QTMAN: variants seen among roughly 807,000 people sequenced by gnomAD.
QTMAN encodes queuosine-tRNA mannosyltransferase.
the QTMAN span, among the ~76,000 whole-genome samples, chr2:144,187,113 G>A: frequency 1.3e-5 from 2 of 152,160 alleles, no homozygotes; most frequent in Non-Finnish European, 2.9e-5. Context: ...AATCATCTAC[G>A]TGATTATTGT....
At chr2:144,325,540 G>T in the QTMAN span, among the ~76,000 whole-genome samples, 11 of 151,750 alleles carry the variant, frequency 7.2e-5, no homozygotes, top group African/African-American at 2.7e-4. Flanking sequence ...CAAGATTGAG[G>T]TCATGTACCT....
chr2:144,127,082 A>T, the QTMAN span, among the ~76,000 whole-genome samples: 1 of 152,014 alleles, frequency 6.6e-6, no homozygotes, highest in African/African-American at 2.4e-5. Context: ...TACAGTTAGA[A>T]GTAATGCACC....
chr2:144,162,130 T>A, the QTMAN span, among the ~76,000 whole-genome samples: 1 of 152,214 alleles, frequency 6.6e-6, no homozygotes. Context: ...ACTACATGCA[T>A]TAAAATTTTT....
chr2:144,049,609 T>C, the QTMAN span, among the ~76,000 whole-genome samples: 1 of 152,166 alleles, frequency 6.6e-6, no homozygotes, highest in Non-Finnish European at 1.5e-5. Context: ...AAACTTTACA[T>C]ACACATTCAA....
At chr2:144,226,694 C>T in the QTMAN span, among the ~76,000 whole-genome samples, 1 of 152,040 alleles carries the variant, frequency 6.6e-6, no homozygotes, top group Non-Finnish European at 1.5e-5. Flanking sequence ...TACAAACAAC[C>T]CTGCCATCAT....
At chr2:143,980,744 C>T in the QTMAN span, among the ~76,000 whole-genome samples, 2 of 152,190 alleles carry the variant, frequency 1.3e-5, no homozygotes, top group African/African-American at 2.4e-5. Context: ...AATGTTTTCA[C>T]GTCATATCTT....
chr2:144,300,034 A>G, the QTMAN span, among the ~76,000 whole-genome samples: 1 of 152,274 alleles, frequency 6.6e-6, no homozygotes, highest in Non-Finnish European at 1.5e-5. Flanking sequence ...CAAATGCCGT[A>G]TGATTCAACT....
At chr2:144,058,334 A>G in the QTMAN span, among the ~76,000 whole-genome samples, 1 of 152,172 alleles carries the variant, frequency 6.6e-6, no homozygotes, top group Non-Finnish European at 1.5e-5. Flanking sequence ...ATAGGAACTA[A>G]GTAATATAAG....
chr2:144,113,207 T>A, the QTMAN span, among the ~76,000 whole-genome samples: 1 of 150,026 alleles, frequency 6.7e-6, no homozygotes, highest in Non-Finnish European at 1.5e-5. Context: ...AATAAACATA[T>A]CTGAAACAAG....
At chr2:144,099,224 A>G in the QTMAN span, among the ~76,000 whole-genome samples, 1 of 152,238 alleles carries the variant, frequency 6.6e-6, no homozygotes, top group South Asian at 2.1e-4. Context: ...ATCTCACCAC[A>G]ATGTATCATA....
At chr2:144,260,354 T>A in the QTMAN span, among the ~76,000 whole-genome samples, 1 of 152,126 alleles carries the variant, frequency 6.6e-6, no homozygotes, top group Non-Finnish European at 1.5e-5. Flanking sequence ...TGGGTGTGGG[T>A]ATGCAGAAGA....
At chr2:144,332,478 C>G in the QTMAN span, 1 of 147,802 alleles carries the variant, frequency 6.8e-6, no homozygotes, top group African/African-American at 2.4e-5. Context: ...CTCCTGGCCA[C>G]CGGCGCGGCC....
chr2:144,023,417 C>T, the QTMAN span, among the ~76,000 whole-genome samples: 1 of 152,186 alleles, frequency 6.6e-6, no homozygotes, highest in Admixed American at 6.5e-5. Flanking sequence ...CAAATCTCTG[C>T]TCTTATGGGA....
the QTMAN span, among the ~76,000 whole-genome samples, chr2:143,995,482 C>A: frequency 6.6e-6 from 1 of 152,110 alleles, no homozygotes; most frequent in South Asian, 2.1e-4. Context: ...TGTGCTAACG[C>A]AATTACATAT....
At chr2:144,254,589 T>A in the QTMAN span, among the ~76,000 whole-genome samples, 1 of 152,130 alleles carries the variant, frequency 6.6e-6, no homozygotes, top group Non-Finnish European at 1.5e-5. Flanking sequence ...AAATATGGAA[T>A]TGGAGGCCCA....
the QTMAN span, among the ~76,000 whole-genome samples, chr2:144,288,377 C>T: frequency 6.6e-6 from 1 of 152,062 alleles, no homozygotes; most frequent in African/African-American, 2.4e-5. Context: ...TAAAAATATA[C>T]TTTTTACGAT....
the QTMAN span, among the ~76,000 whole-genome samples, chr2:144,169,464 T>G: frequency 3.3e-5 from 5 of 152,182 alleles, no homozygotes; most frequent in African/African-American, 1.2e-4. Flanking sequence ...ATTCCAGATA[T>G]CAGATCATTT....
the QTMAN span, among the ~76,000 whole-genome samples, chr2:144,099,547 G>A: frequency 3.9e-5 from 6 of 152,248 alleles, no homozygotes; most frequent in African/African-American, 9.6e-5. Context: ...TACTGATAAC[G>A]CACTGGACAC....
At chr2:144,117,183 G>C in the QTMAN span, among the ~76,000 whole-genome samples, 1 of 152,248 alleles carries the variant, frequency 6.6e-6, no homozygotes, top group Non-Finnish European at 1.5e-5. Flanking sequence ...TCCAGCAAAT[G>C]TTCTTCACTC....
Sources: allele counts gnomAD v4.1 joint callset (sites outside exome capture counted in the v4.1 genomes callset), GRCh38; gene constraint gnomAD v4.1.1; transcripts MANE v1.5; gene names NCBI Gene and HGNC (gene_info 2026-07-23, HGNC 2026-07-21).